TENM2: variants seen among roughly 807,000 people sequenced by gnomAD.
The protein encoded by TENM2 is teneurin transmembrane protein 2, also known as teneurin-2.
TENM2 carries 52 observed loss-of-function variants against 245.2 expected under a neutral mutation model. That is an observed-to-expected ratio of 0.21 (90% CI 0.17 to 0.27). TENM2 has a LOEUF of 0.27. Among genes scored for constraint, TENM2 ranks in the 10% least tolerant of loss-of-function variants. The pLI, the probability that TENM2 is intolerant of heterozygous loss-of-function variation, is 1.00. For synonymous variants in TENM2, 1,363 were observed against 1,438.9 expected, an observed-to-expected ratio of 0.95 and a Z score of 1.19; for missense variants, 3,046 against 3,666.8, an observed-to-expected ratio of 0.83 and a Z score of 4.37.
the TENM2 span, among the ~76,000 whole-genome samples, chr5:167,229,435 G>A: frequency 6.6e-6 from 1 of 152,204 alleles, no homozygotes; most frequent in African/African-American, 2.4e-5. Context: ...TGCACAGTGG[G>A]TGTGGTGTAG....
At chr5:168,037,067 C>A (rs1406512718) in intron 5 of TENM2, among the ~76,000 whole-genome samples, 3 of 152,076 alleles carry the variant, frequency 2.0e-5, no homozygotes, top group Admixed American at 2.0e-4. Flanking sequence ...ATGTTTCTTT[C>A]CATCAGAATC....
rs185985330 is a variant in TENM2 at position 167,924,465 on chromosome 5, A to G, written c.713-28123A>G. Among the ~76,000 whole-genome samples, 277 of 152,304 alleles carry G rather than the reference A, an allele frequency of 1.8e-3. 1 individual carries two copies. Among genetic ancestry groups the G allele is most frequent in the Non-Finnish European group, 3.0e-3 (205 of 68,028 alleles). ...GCGTCTGACCTGTCAGCCAATTTTTATCTCTCCAGGCAATAGCTTTAAAAT... is the reference window on the plus strand; with the variant it reads ...GCGTCTGACCTGTCAGCCAATTTTTGTCTCTCCAGGCAATAGCTTTAAAAT... On this transcript the variant is annotated intron_variant, in intron 3 of 28. Transcript: ENST00000518659.
intron 3 of TENM2, among the ~76,000 whole-genome samples, chr5:167,914,466 G>A (rs531884731): frequency 1.1e-4 from 17 of 152,108 alleles, no homozygotes; most frequent in Admixed American, 2.6e-4. Flanking sequence ...TTATAAGAAC[G>A]CTTATGATTA....
chr5:168,263,972 A>G (rs972064708), downstream of TENM2: 2 of 152,590 alleles, frequency 1.3e-5, no homozygotes, highest in African/African-American at 4.8e-5. Context: ...TAAAAAAACA[A>G]AAATAAAGTC....
At chr5:168,230,600 C>T (rs1477593041) in intron 25 of TENM2, among the ~76,000 whole-genome samples, 1 of 152,112 alleles carries the variant, frequency 6.6e-6, no homozygotes, top group African/African-American at 2.4e-5. Flanking sequence ...AGCAGGCTGT[C>T]TCACCATTGG....
intron 2 of TENM2, among the ~76,000 whole-genome samples, chr5:167,552,099 G>T (rs754298700): frequency 6.6e-6 from 1 of 152,180 alleles, no homozygotes; most frequent in Non-Finnish European, 1.5e-5. Flanking sequence ...ATTCTCAAGT[G>T]TCCTGAAAAG....
intron 2 of TENM2, chr5:167,821,167 A>ATTTGT (rs930818475): frequency 2.1e-4 from 32 of 152,274 alleles, no homozygotes; most frequent in African/African-American, 7.0e-4. Context: ...CTCAGGGAAC[A>ATTTGT]TTTGTTTTGT....
chr5:168,203,781 A>C (rs1390756490), exon 18 of TENM2: 4 of 1,613,366 alleles, frequency 2.5e-6, no homozygotes, highest in Middle Eastern at 3.3e-4. Flanking sequence ...GGACCCCTCC[A>C]ACCTCGGTGG....
intron 2 of TENM2, among the ~76,000 whole-genome samples, chr5:167,563,699 C>G (rs1773732761): frequency 6.6e-6 from 1 of 152,126 alleles, no homozygotes. Context: ...TGGAACTGCC[C>G]TATATAGTGT....
At position 168,205,494 on chromosome 5, in the gene TENM2, G is replaced by A. The variant is rs542569854; in HGVS notation, c.3824+873G>A. Among the ~76,000 whole-genome samples the A allele has an allele frequency of 2.8e-4, 42 of 152,288 alleles. No homozygotes were observed. In the South Asian group the frequency reaches 3.5e-3, roughly 13 times the overall value. On this transcript the variant is annotated intron_variant, in intron 19 of 28. Transcript: ENST00000518659. ...AAACAGGAACTGGGCGACAGGGAGG[G>A]TACATGGATGAGGAGGCTACGTAAG...
intron 20 of TENM2, among the ~76,000 whole-genome samples, chr5:168,214,429 C>T (rs1430450001): frequency 6.6e-6 from 1 of 152,236 alleles, no homozygotes; most frequent in African/African-American, 2.4e-5. Flanking sequence ...ATTCCAGACA[C>T]AGTACCAGCA....
At chr5:168,099,746 GT>G (rs1375549421) in intron 9 of TENM2, among the ~76,000 whole-genome samples, 1 of 152,130 alleles carries the variant, frequency 6.6e-6, no homozygotes, top group Non-Finnish European at 1.5e-5. Flanking sequence ...AGATGTGAGG[GT>G]TCCAGGCTTA....
the TENM2 span, among the ~76,000 whole-genome samples, chr5:167,210,448 T>C: frequency 6.8e-6 from 1 of 146,410 alleles, no homozygotes; most frequent in South Asian, 2.1e-4. Flanking sequence ...CACTTTTCAC[T>C]GCATTTTTTT....
At chr5:167,140,339 T>C in the TENM2 span, among the ~76,000 whole-genome samples, 1 of 152,152 alleles carries the variant, frequency 6.6e-6, no homozygotes, top group Non-Finnish European at 1.5e-5. Context: ...AAAAATTAAG[T>C]TCTTGACTAT....
chr5:167,864,279 G>T (rs1021471570), intron 2 of TENM2, among the ~76,000 whole-genome samples: 2 of 152,086 alleles, frequency 1.3e-5, no homozygotes, highest in Non-Finnish European at 2.9e-5. Context: ...TAATGAGAAT[G>T]AAAACAATTA....
chr5:167,365,592 A>T (rs572546109), intron 1 of TENM2, among the ~76,000 whole-genome samples: 113 of 151,018 alleles, frequency 7.5e-4, no homozygotes, highest in African/African-American at 2.7e-3. Flanking sequence ...TACACATATT[A>T]AAAAAAGTCA....
At chr5:167,956,941 GT>G (rs1780607857) in intron 4 of TENM2, among the ~76,000 whole-genome samples, 1 of 152,030 alleles carries the variant, frequency 6.6e-6, no homozygotes, top group Admixed American at 6.6e-5. Flanking sequence ...TTCTTTTTTT[GT>G]TGTGTCTTTG....
intron 3 of TENM2, among the ~76,000 whole-genome samples, chr5:167,951,808 A>G (rs1780123388): frequency 6.6e-6 from 1 of 152,110 alleles, no homozygotes; most frequent in African/African-American, 2.4e-5. Flanking sequence ...TGTATATTAC[A>G]CATATACACA....
At chr5:167,579,841 G>T (rs1193795422) in intron 2 of TENM2, among the ~76,000 whole-genome samples, 1 of 152,166 alleles carries the variant, frequency 6.6e-6, no homozygotes, top group African/African-American at 2.4e-5. Flanking sequence ...ATTACATCAT[G>T]CATCACGATC....
Sources: allele counts gnomAD v4.1 joint callset (sites outside exome capture counted in the v4.1 genomes callset), GRCh38; gene constraint gnomAD v4.1.1; transcripts MANE v1.5; gene names NCBI Gene and HGNC (gene_info 2026-07-23, HGNC 2026-07-21).